TRPM8: variants seen among roughly 807,000 people sequenced by gnomAD.
TRPM8 encodes TRPM8 cationic channel.
A neutral mutation model predicts 133.7 loss-of-function variants in TRPM8; 110 were observed. The observed-to-expected ratio is 0.82, with a 90% confidence interval of 0.70 to 0.96. The LOEUF (loss-of-function observed/expected upper bound fraction) is 0.96, where lower values mean the gene tolerates loss of function less well. Among genes scored for constraint, TRPM8 ranks in the 40% least tolerant of loss-of-function variants. The pLI, the probability that TRPM8 is intolerant of heterozygous loss-of-function variation, is 0.00. For missense variants in TRPM8, 1,291 were observed against 1,379.5 expected (o/e 0.94, Z 1.02); for synonymous variants, 535 against 532.3 (o/e 1.01, Z -0.07).
chr2:233,918,810 G>T (rs1447284198), intron 1 of TRPM8, among the ~76,000 whole-genome samples: 2 of 152,154 alleles, frequency 1.3e-5, no homozygotes, highest in African/African-American at 4.8e-5. Flanking sequence ...ATGCACCCCT[G>T]CCATGCCCCT....
intron 1 of TRPM8, among the ~76,000 whole-genome samples, chr2:233,920,476 C>T (rs1691386094): frequency 6.6e-6 from 1 of 152,198 alleles, no homozygotes; most frequent in Admixed American, 6.5e-5. Context: ...TTAGCTATCT[C>T]TCTGTGAAGG....
chr2:233,966,847 C>A (rs1487119538), intron 15 of TRPM8, 92 bp downstream of exon 15: 2 of 1,389,474 alleles, frequency 1.4e-6, no homozygotes, highest in Admixed American at 3.0e-5. Context: ...TAAAAACAAA[C>A]CTTATTCTCC....
In TRPM8 at chr2:234,019,436, T is replaced by G. The variant is rs202015533; in HGVS notation, c.*2180T>G. 3 of 152,242 alleles carry G rather than the reference T, an allele frequency of 2.0e-5. No individual in the cohort carries two copies. The highest frequency in any genetic ancestry group is 4.4e-5 in the Non-Finnish European group (3 of 68,034). 9.4% of individuals were successfully genotyped at this position (152,242 alleles called of 1,614,324 possible). On this transcript the variant is annotated 3_prime_UTR_variant, in exon 26 of 26. Coordinates refer to ENST00000324695, the MANE Select transcript of TRPM8 (RefSeq NM_024080.5). ...CTATGTCCTTGTGTATGGTACTAAA[T>G]GTGTCCTGTGTACTTTTGCACAACT... is the stretch of plus-strand genomic sequence containing the variant.
At position 233,996,483 on chromosome 2, in the gene TRPM8, T is replaced by C; in HGVS notation, c.3097T>C (p.Cys1033Arg). The change falls in exon 22 of 26, where the codon TGC becomes CGC. Residue 1033 changes from cysteine to arginine, a missense_variant. Physicochemically the swap from Cys to Arg is radical, Grantham distance 180 (BLOSUM62 -3). Around this residue, in one of 2 missense-constraint regions of TRPM8, gnomAD observed 328 missense variants for 410.6 expected, o/e 0.80. Transcript: ENST00000324695. Reference protein sequence around the residue: ...MVVKKCFKCCCKEKNMESSVC... With the variant: ...MVVKKCFKCCRKEKNMESSVC... ...GGTGAAGAAGTGCTTCAAGTGTTGC[T>C]GCAAGGAGAAAAACATGGAGTCTTC... 6.2e-7 allele frequency: 1 copy of C among 1,614,228 alleles called. No homozygotes were observed. Among genetic ancestry groups the C allele is most frequent in the South Asian group, 1.1e-5 (1 of 91,086 alleles).
chr2:233,969,909 C>A, intron 16 of TRPM8, 102 bp downstream of exon 16: 1 of 853,428 alleles, frequency 1.2e-6, no homozygotes, highest in Non-Finnish European at 1.9e-6. Flanking sequence ...AAGCCTGGAA[C>A]TTATGATGTT....
chr2:234,000,686 T>C (rs1692536213), intron 22 of TRPM8, among the ~76,000 whole-genome samples: 2 of 151,948 alleles, frequency 1.3e-5, no homozygotes, highest in Admixed American at 1.3e-4. Context: ...ACAACCTTTT[T>C]TTTTTTTTCG....
intron 22 of TRPM8, among the ~76,000 whole-genome samples, chr2:234,000,696 G>A (rs1440437684): frequency 2.0e-5 from 3 of 146,602 alleles, no homozygotes; most frequent in East Asian, 2.0e-4. Context: ...TTTTTTTTTC[G>A]GAAATGGTGT....
In TRPM8 at chr2:233,970,672, A is replaced by G. The variant is rs1691691193; in HGVS notation, c.2355+246A>G. The G allele has an allele frequency of 3.5e-5, 19 of 535,550 alleles. No homozygotes were observed. The South Asian group carries it at 3.7e-4, about 11-fold the overall frequency. The allele number at this position is 535,550 out of a possible 1,614,324, so 33.2% of individuals were successfully genotyped here. ...GAATGTTAATTGATGGAGATGAATT[A>G]GTCAGGAATGGGGGAGTGTTCAAAG... On this transcript the variant is annotated intron_variant, in intron 17 of 25. Transcript: ENST00000324695.
At chr2:233,958,882 G>GT (rs1691359535) in intron 11 of TRPM8, among the ~76,000 whole-genome samples, 1 of 152,186 alleles carries the variant, frequency 6.6e-6, no homozygotes, top group African/African-American at 2.4e-5. Context: ...ATGTAAGAGA[G>GT]TAAGTGGGCC....
intron 20 of TRPM8, 141 bp from the exon 21 acceptor site, chr2:233,985,547 A>G (rs1195372108): frequency 3.5e-5 from 25 of 716,286 alleles, no homozygotes; most frequent in Non-Finnish European, 2.4e-5. Flanking sequence ...TCTAAGGACT[A>G]TGACTTGTTT....
At chr2:233,996,832 T>G (rs991327347) in intron 22 of TRPM8, among the ~76,000 whole-genome samples, 1 of 152,204 alleles carries the variant, frequency 6.6e-6, no homozygotes, top group Non-Finnish European at 1.5e-5. Flanking sequence ...ATGACTTTGT[T>G]TTTGCTTTTC....
chr2:233,964,589 A>T (rs1411418743), intron 13 of TRPM8, 39 bp from the exon 14 acceptor site: 4 of 1,458,302 alleles, frequency 2.7e-6, no homozygotes, highest in Non-Finnish European at 3.7e-6. Flanking sequence ...AAAAGGAAAA[A>T]AAAGAATTAA....
Position 233,973,087 on chromosome 2 carries a change from C to T in TRPM8, c.2355+2661C>T, listed in dbSNP as rs114577205. Among the ~76,000 whole-genome samples the T allele has an allele frequency of 3.9e-3, 589 of 152,340 alleles. 10 individuals carry two copies. Among genetic ancestry groups the T allele is most frequent in the African/African-American group, 0.014 (577 of 41,578 alleles). The stretch of plus-strand genomic sequence containing the variant: ...GTTGAACAGCAGGATTATCAGGCTT[C>T]ACCTACCAGCAATTCTTGCCCCAGG... On this transcript the variant is annotated intron_variant, in intron 17 of 25. Coordinates refer to ENST00000324695, the MANE Select transcript of TRPM8 (RefSeq NM_024080.5).
Position 233,976,133 on chromosome 2 carries a change from C to T in TRPM8, c.2356-4055C>T, listed in dbSNP as rs145006520. On this transcript the variant is annotated intron_variant, in intron 17 of 25. Transcript: ENST00000324695. The stretch of plus-strand genomic sequence containing the variant: ...TCTAGACAGCAATGGACCAAACAGA[C>T]GAAGATCTCTTCCCCTATGGAGCAT... Among the ~76,000 whole-genome samples the T allele has an allele frequency of 8.0e-3, 1,214 of 152,264 alleles. 10 individuals carry two copies. The highest frequency in any genetic ancestry group is 0.028 in the African/African-American group (1,154 of 41,544).
chr2:234,003,306 G>A (rs1448082702), intron 22 of TRPM8, among the ~76,000 whole-genome samples: 1 of 152,196 alleles, frequency 6.6e-6, no homozygotes, highest in African/African-American at 2.4e-5. Flanking sequence ...CTTTGGGGAT[G>A]TCATTAACGA....
chr2:233,983,723 A>C (rs1692072712), intron 20 of TRPM8, among the ~76,000 whole-genome samples: 1 of 152,200 alleles, frequency 6.6e-6, no homozygotes, highest in Non-Finnish European at 1.5e-5. Context: ...TTACAGAAGG[A>C]AAGTGAGGGG....
intron 1 of TRPM8, among the ~76,000 whole-genome samples, chr2:233,921,920 G>T (rs1166754571): frequency 1.3e-5 from 2 of 152,060 alleles, no homozygotes; most frequent in African/African-American, 4.8e-5. Flanking sequence ...TGATCCCCCT[G>T]CCTTGGCCTC....
intron 22 of TRPM8, among the ~76,000 whole-genome samples, chr2:234,000,095 A>G (rs377316302): frequency 2.8e-5 from 4 of 144,790 alleles, no homozygotes; most frequent in Non-Finnish European, 6.2e-5. Flanking sequence ...TGATTTATTT[A>G]TTTATTTATT....
intron 17 of TRPM8, among the ~76,000 whole-genome samples, chr2:233,978,223 G>GTGTGTGTGTA (rs1470199624): frequency 6.6e-6 from 1 of 151,720 alleles, no homozygotes; most frequent in Admixed American, 6.6e-5. Flanking sequence ...GTGTGTGTGT[G>GTGTGTGTGTA]TGTGTGTGTG....
Sources: gnomAD v4.1 joint callset for allele counts (sites outside exome capture counted in the v4.1 genomes callset) on GRCh38, gnomAD v4.1.1 for gene constraint, gnomAD v4.1.1 regional missense constraint, MANE v1.5 for transcripts, NCBI Gene and HGNC (gene_info 2026-07-23, HGNC 2026-07-21) for gene names.